HELZ: variants seen among roughly 807,000 people sequenced by gnomAD.
HELZ encodes ATP-dependent RNA helicase with zinc finger domain.
In HELZ, 23 loss-of-function variants were observed where a neutral mutation model predicts 218.2. The observed-to-expected ratio is 0.11, with a 90% CI of 0.08 to 0.15. The LOEUF (loss-of-function observed/expected upper bound fraction) is 0.15. Ranked by LOEUF, HELZ falls within the 10% of genes least tolerant of loss-of-function variation. The pLI, the probability that HELZ is intolerant of heterozygous loss-of-function variation, is 1.00. For synonymous variants in HELZ, 814 were observed against 829.4 expected, an observed-to-expected ratio of 0.98 and a Z score of 0.32; for missense variants, 1,813 against 2,353.7, an observed-to-expected ratio of 0.77 and a Z score of 4.75.
chr17:67,188,695 T>C lies in HELZ; in HGVS notation c.865-79A>G, dbSNP rs2039821273. On this transcript the variant is annotated intron_variant, in intron 11 of 32. Coordinates refer to ENST00000358691, the MANE Select transcript of HELZ (RefSeq NM_014877.4). This position sits in a 1 kb window ranked among gnomAD's most constrained non-coding sequence, Gnocchi z 4.1. ...GTAATTGGGCTCTTCAATGAAAATA[T>C]TTCCATAAGGGACTTTTACTTCCCC... 1 of 1,169,416 alleles carries C rather than the reference T, an allele frequency of 8.6e-7. No individual in the cohort carries two copies. The highest frequency in any genetic ancestry group is 1.5e-5 in the African/African-American group (1 of 65,078). The allele number at this position is 1,169,416 out of a possible 1,614,324, so 72.4% of individuals were successfully genotyped here.
intron 15 of HELZ, among the ~76,000 whole-genome samples, 181 bp from the exon 16 acceptor site, chr17:67,161,257 T>G (rs2038987297): frequency 6.6e-6 from 1 of 152,108 alleles, no homozygotes; most frequent in Admixed American, 6.5e-5. Flanking sequence ...CAGTGTAGAG[T>G]GTTTTAACGT....
chr17:67,195,530 C>T (rs2040000240), intron 7 of HELZ, 60 bp from the exon 8 acceptor site: 2 of 944,750 alleles, frequency 2.1e-6, no homozygotes, highest in Non-Finnish European at 3.4e-6. Context: ...CTGAACTAAA[C>T]TTGAACATTT....
chr17:67,159,810 T>G (rs1231368477), intron 17 of HELZ, among the ~76,000 whole-genome samples: 4 of 152,182 alleles, frequency 2.6e-5, no homozygotes, highest in African/African-American at 4.8e-5. Context: ...CATTTCAGTA[T>G]TTCATGTTTA....
At chr17:67,156,072 A>C (rs2144082352) in intron 17 of HELZ, among the ~76,000 whole-genome samples, 1 of 150,254 alleles carries the variant, frequency 6.7e-6, no homozygotes, top group East Asian at 1.9e-4. Flanking sequence ...GAAACTGCTA[A>C]AAAAGTAAAA....
At chr17:67,117,220 C>A (rs1420521516) in intron 27 of HELZ, among the ~76,000 whole-genome samples, 1 of 152,162 alleles carries the variant, frequency 6.6e-6, no homozygotes, top group African/African-American at 2.4e-5. Context: ...CCAAAATAAA[C>A]CACATTCTGG....
At chr17:67,149,792 T>C in intron 19 of HELZ, 75 bp downstream of exon 19, 1 of 812,222 alleles carries the variant, frequency 1.2e-6, no homozygotes, top group Non-Finnish European at 2.0e-6. Context: ...TCATAGGATG[T>C]TTTAGAAATA....
At position 67,218,611 on chromosome 17, in the gene HELZ, G is replaced by A; in HGVS notation, c.194C>T (p.Ala65Val). 6.2e-7 allele frequency: 1 copy of A among 1,613,934 alleles called. No homozygotes were observed. The highest frequency in any genetic ancestry group is 8.5e-7 in the Non-Finnish European group (1 of 1,179,810). Residue 65 changes from alanine to valine, a missense_variant, in exon 4 of 33, where the codon GCC becomes GTC. Around this residue, in one of 4 missense-constraint regions of HELZ, gnomAD observed 714 missense variants for 1,029.2 expected, o/e 0.69. Transcript: ENST00000358691. ...TTTACTCACCAGTTGCAAAAATGAG[G>A]CAATTCTGTAGAGAAGACTCTCGAT... Reference protein sequence around the residue: ...IKIESLLYRIASFLQLKNYVQ... With the variant: ...IKIESLLYRIVSFLQLKNYVQ...
chr17:67,109,569 G>A lies in HELZ; in HGVS notation c.4036C>T (p.Leu1346Phe). The change falls in exon 29 of 33, where the codon CTT becomes TTT. Residue 1346 changes from leucine to phenylalanine, a missense_variant. This residue lies in a region of HELZ where 938 missense variants were observed against 1,027.5 expected (regional missense o/e 0.91). Transcript: ENST00000358691. ...GCATACTGTGCGTGGGGAGCAGGAA[G>A]GGGAAGATTTATGTGTCTTGGGTTG... ...NLNPRHINLP[L>F]PAPHAQYAIP... 1 of 1,614,190 alleles carries A rather than the reference G, an allele frequency of 6.2e-7. No individual in the cohort carries two copies.
intron 28 of HELZ, 68 bp downstream of exon 28, chr17:67,114,256 A>G: frequency 5.6e-6 from 6 of 1,062,298 alleles, no homozygotes; most frequent in Non-Finnish European, 8.8e-6. Context: ...TTTCTTTAAA[A>G]CATCAAGATT....
At chr17:67,084,995 AC>A (rs1330459187) in intron 32 of HELZ, among the ~76,000 whole-genome samples, 1 of 152,082 alleles carries the variant, frequency 6.6e-6, no homozygotes, top group Non-Finnish European at 1.5e-5. Flanking sequence ...AATCTCAGCT[AC>A]TCGGGAGGCT....
intron 1 of HELZ, chr17:67,244,634 A>T: frequency 1.2e-6 from 1 of 848,560 alleles, no homozygotes; most frequent in Non-Finnish European, 1.4e-6. Flanking sequence ...TCCGCGGGGG[A>T]GGGAGGGGGC....
intron 3 of HELZ, among the ~76,000 whole-genome samples, chr17:67,234,061 G>C (rs1377554897): frequency 3.6e-5 from 4 of 110,016 alleles, no homozygotes; most frequent in Non-Finnish European, 8.2e-5. Flanking sequence ...AAAAAAAAAA[G>C]AGAGAGAGAG....
chr17:67,163,385 T>C (rs145706031), intron 15 of HELZ, among the ~76,000 whole-genome samples: 39 of 134,390 alleles, frequency 2.9e-4, no homozygotes, highest in African/African-American at 1.1e-3. Context: ...ATCAAATTCT[T>C]AGAGACCCAA....
intron 32 of HELZ, among the ~76,000 whole-genome samples, chr17:67,086,535 C>T (rs2036378114): frequency 7.0e-6 from 1 of 143,006 alleles, no homozygotes; most frequent in East Asian, 2.0e-4. Flanking sequence ...GAGCCGAGAT[C>T]ACACCATTGT....
intron 1 of HELZ, chr17:67,244,734 G>T (rs939858404): frequency 1.0e-6 from 1 of 984,754 alleles, no homozygotes; most frequent in African/African-American, 1.7e-5. Flanking sequence ...CATCGAGCGG[G>T]GCGTGGGAGG....
chr17:67,148,131 A>C (rs1292678704), intron 20 of HELZ, among the ~76,000 whole-genome samples: 1 of 152,152 alleles, frequency 6.6e-6, no homozygotes, highest in Non-Finnish European at 1.5e-5. Flanking sequence ...CAGGCTTGTG[A>C]CTGCTGGGGG....
At chr17:67,094,944 G>C (rs537419831) in intron 31 of HELZ, among the ~76,000 whole-genome samples, 1 of 152,330 alleles carries the variant, frequency 6.6e-6, no homozygotes, top group African/African-American at 2.4e-5. Context: ...TGAAGGCTGA[G>C]GTGGCTGTGG....
chr17:67,093,462 A>G (rs1334495058), intron 31 of HELZ, among the ~76,000 whole-genome samples: 1 of 152,200 alleles, frequency 6.6e-6, no homozygotes, highest in Non-Finnish European at 1.5e-5. Flanking sequence ...ATAATAGACA[A>G]TTTCACACAG....
intron 12 of HELZ, among the ~76,000 whole-genome samples, chr17:67,182,750 T>A (rs2039648977): frequency 1.3e-5 from 2 of 152,196 alleles, no homozygotes; most frequent in African/African-American, 4.8e-5. Context: ...ATAACTACTC[T>A]AACACAAGAT....
Sources: gnomAD v4.1 joint callset for allele counts (sites outside exome capture counted in the v4.1 genomes callset) on GRCh38, gnomAD v4.1.1 for gene constraint, gnomAD v4.1.1 regional missense constraint, Gnocchi (gnomAD v3.1) non-coding constraint, MANE v1.5 for transcripts, NCBI Gene and HGNC (gene_info 2026-07-23, HGNC 2026-07-21) for gene names.